CP: variants seen among roughly 807,000 people sequenced by gnomAD.
The protein encoded by CP is ceruloplasmin.
Under a neutral mutation model 122.4 loss-of-function variants are expected in CP, and 64 were observed. The ratio of observed to expected loss-of-function variants is 0.52; its 90% CI spans 0.43 to 0.64. The LOEUF is 0.64. CP is among the 30% of genes least tolerant of loss of function. The pLI is 0.00. For missense variants in CP, 1,167 were observed against 1,284.4 expected, an observed-to-expected ratio of 0.91 and a Z score of 1.40; for synonymous variants, 440 against 436.4, an observed-to-expected ratio of 1.01 and a Z score of -0.10.
At chr3:149,184,025 C>CTTTTTTTTTT (rs1559939313) in intron 12 of CP, among the ~76,000 whole-genome samples, 2 of 66,304 alleles carry the variant, frequency 3.0e-5, no homozygotes, top group African/African-American at 4.7e-5. Flanking sequence ...TTTTCACTTA[C>CTTTTTTTTTT]TTCTTTTTTT....
In CP at chr3:149,221,631, A is replaced by C. The variant is rs765542541; in HGVS notation, c.146+16T>G. 167 of 1,608,702 alleles carry C rather than the reference A, an allele frequency of 1.0e-4. No individual in the cohort carries two copies. Among genetic ancestry groups the C allele is most frequent in the Non-Finnish European group, 1.4e-4 (164 of 1,177,928 alleles). ...CTTAAAATTTTGGTCTATAAACAAT[A>C]AAAATAGTGACTTACGTGTCAACAG... On this transcript the variant is annotated intron_variant, in intron 1 of 18. Coordinates refer to ENST00000264613, the MANE Select transcript of CP (RefSeq NM_000096.4).
intron 10 of CP, among the ~76,000 whole-genome samples, 176 bp from the exon 11 acceptor site, chr3:149,186,908 G>A (rs1193838521): frequency 6.6e-6 from 1 of 152,188 alleles, no homozygotes; most frequent in Non-Finnish European, 1.5e-5. Context: ...TGGCATTTCA[G>A]AGCAGCCGCT....
At chr3:149,177,734 A>C in intron 17 of CP, 106 bp downstream of exon 17, 1 of 1,196,554 alleles carries the variant, frequency 8.4e-7, no homozygotes, top group Non-Finnish European at 1.2e-6. Context: ...CACCGGCTGT[A>C]CTCTTTGCAG....
intron 11 of CP, 198 bp downstream of exon 11, chr3:149,186,322 C>T (rs1050385198): frequency 4.8e-6 from 3 of 618,724 alleles, no homozygotes; most frequent in African/African-American, 3.7e-5. Context: ...TCCACATTGT[C>T]CTCAGTAACT....
chr3:149,179,330 C>A (rs1353976703), intron 15 of CP, among the ~76,000 whole-genome samples: 1 of 152,172 alleles, frequency 6.6e-6, no homozygotes, highest in African/African-American at 2.4e-5. Flanking sequence ...AAAATCTAAA[C>A]TTCCCAAATA....
chr3:149,184,706 C>T (rs1428149767), intron 12 of CP, among the ~76,000 whole-genome samples: 1 of 152,200 alleles, frequency 6.6e-6, no homozygotes. Flanking sequence ...TGTACTTTTC[C>T]ATGATGGACA....
intron 6 of CP, among the ~76,000 whole-genome samples, chr3:149,202,605 CTT>C (rs34873592): frequency 0.014 from 1,447 of 106,722 alleles, 15 homozygotes; most frequent in African/African-American, 0.042. Flanking sequence ...TGTTGTTTGT[CTT>C]TTTTTTTTTT....
chr3:149,167,992 A>AT (rs397710976), downstream of CP: 361,516 of 1,285,904 alleles, frequency 0.28, 37,192 homozygotes, highest in African/African-American at 0.57. Flanking sequence ...AGGTAAAATG[A>AT]TTTTTTTTTT....
chr3:149,203,153 C>G (rs573099944), intron 6 of CP, among the ~76,000 whole-genome samples: 3 of 152,298 alleles, frequency 2.0e-5, no homozygotes, highest in Non-Finnish European at 4.4e-5. Context: ...GTGATCCGCC[C>G]GTCTCGGCTT....
chr3:149,174,117 T>G (rs1725244831), intron 18 of CP, among the ~76,000 whole-genome samples: 1 of 152,108 alleles, frequency 6.6e-6, no homozygotes, highest in Non-Finnish European at 1.5e-5. Context: ...GTGCATAACC[T>G]AAATCTAATC....
intron 8 of CP, 24 bp from the exon 9 acceptor site, chr3:149,198,602 A>G: frequency 6.2e-7 from 1 of 1,603,538 alleles, no homozygotes; most frequent in Non-Finnish European, 8.5e-7. Context: ...CACATTAGAG[A>G]GGTGAAGTGT....
Position 149,162,840 on chromosome 3 carries a change from C to T in CP, c.*49G>A, listed in dbSNP as rs1429446149. ...CATCTGGAGATTGTCTAAGAGGCAG[C>T]CTCCTGACACCACACCATTGCGAAC... On this transcript the variant is annotated 3_prime_UTR_variant, in exon 6 of 6. Transcript: ENST00000479771. 6.2e-7 allele frequency: 1 copy of T among 1,613,928 alleles called. No individual in the cohort carries two copies. The highest frequency in any genetic ancestry group is 1.7e-5 in the Admixed American group (1 of 59,982).
intron 17 of CP, among the ~76,000 whole-genome samples, chr3:149,176,948 A>G (rs1052912276): frequency 6.6e-6 from 1 of 152,214 alleles, no homozygotes; most frequent in Non-Finnish European, 1.5e-5. Flanking sequence ...TAAGAATACA[A>G]TATATCTATG....
intron 5 of CP, among the ~76,000 whole-genome samples, chr3:149,163,176 G>T (rs1398677762): frequency 1.3e-5 from 2 of 152,174 alleles, no homozygotes; most frequent in East Asian, 3.8e-4. Context: ...CACCTCATCT[G>T]TCCTTCCTCA....
chr3:149,187,247 C>T (rs975673585), intron 10 of CP, among the ~76,000 whole-genome samples: 17 of 151,866 alleles, frequency 1.1e-4, no homozygotes, highest in Non-Finnish European at 1.0e-4. Context: ...TCCAAATATA[C>T]AAAAATGCAG....
At chr3:149,178,074 T>C in intron 16 of CP, 95 bp from the exon 17 acceptor site, 1 of 1,197,500 alleles carries the variant, frequency 8.4e-7, no homozygotes, top group Non-Finnish European at 1.2e-6. Context: ...ATGTAAAGAA[T>C]CTTTTTGATG....
chr3:149,168,018 T>A, downstream of CP: 2 of 1,197,694 alleles, frequency 1.7e-6, no homozygotes, highest in Non-Finnish European at 2.5e-6. Context: ...ATTATAAACT[T>A]AAGTTTCAGT....
At chr3:149,210,888 A>G (rs939136029) in intron 2 of CP, among the ~76,000 whole-genome samples, 1 of 152,170 alleles carries the variant, frequency 6.6e-6, no homozygotes, top group African/African-American at 2.4e-5. Context: ...GTACCCCCAC[A>G]CACTCTTATC....
chr3:149,171,770 T>C (rs1725016137), downstream of CP, among the ~76,000 whole-genome samples: 1 of 143,990 alleles, frequency 6.9e-6, no homozygotes, highest in Non-Finnish European at 1.5e-5. Context: ...AGTGGTGCAA[T>C]CTCAACTCAC....
Sources: gnomAD v4.1 joint callset for allele counts (sites outside exome capture counted in the v4.1 genomes callset) on GRCh38, gnomAD v4.1.1 for gene constraint, MANE v1.5 for transcripts, NCBI Gene and HGNC (gene_info 2026-07-23, HGNC 2026-07-21) for gene names.